Variants in ZNF395 observed in about 807,000 individuals in gnomAD.
ZNF395 encodes the protein HD gene regulatory region-binding protein 2.
ZNF395 carries 20 observed loss-of-function variants against 57.7 expected under a neutral mutation model. The observed-to-expected ratio is 0.35, with a 90% CI of 0.24 to 0.50. The LOEUF is 0.50. Ranked by LOEUF, ZNF395 falls within the 20% of genes least tolerant of loss-of-function variation. The pLI is 0.97. For missense variants in ZNF395, 606 were observed against 671.2 expected, an observed-to-expected ratio of 0.90 and a Z score of 1.07; for synonymous variants, 295 against 275.9, an observed-to-expected ratio of 1.07 and a Z score of -0.69.
At chr8:28,375,055 T>C (rs60063403) in intron 1 of ZNF395, among the ~76,000 whole-genome samples, 32,920 of 152,016 alleles carry the variant, frequency 0.22, 6,594 homozygotes, top group African/African-American at 0.53. Context: ...ACGCACCCCC[T>C]GCCTCCTCCT....
At position 28,347,639 on chromosome 8, in the gene ZNF395, C is replaced by T. The variant is rs1585848257; in HGVS notation, c.*1080G>A. 1 of 152,396 alleles carries T rather than the reference C, an allele frequency of 6.6e-6. No individual in the cohort carries two copies. The highest frequency in any genetic ancestry group is 1.9e-4 in the East Asian group (1 of 5,172). 9.4% of individuals were successfully genotyped at this position (152,396 alleles called of 1,614,324 possible). On this transcript the variant is annotated 3_prime_UTR_variant, in exon 10 of 10. Coordinates refer to ENST00000344423, the MANE Select transcript of ZNF395 (RefSeq NM_018660.3). ...TTCCTCATCCTGACGCTCACGGGTG[C>T]AAGGACTCTCCTTGGCCTTCCTCAT...
In ZNF395 at chr8:28,359,704, C is replaced by T. The variant is rs1426560884; in HGVS notation, c.361G>A (p.Glu121Lys). The change falls in exon 3 of 10, where the codon GAG becomes AAG. Residue 121 changes from glutamate to lysine, a missense_variant. Transcript: ENST00000344423. The surrounding 1 kb of genome is among the most constrained non-coding windows in gnomAD (Gnocchi z 4.7). ...QKLQVCCRVEEVWLAELQGPC... is the reference protein window; with the variant it reads ...QKLQVCCRVEKVWLAELQGPC... ...CCCTGCAGCTCTGCCAGCCACACCT[C>T]CTCCACCCTGCAGCAGACCTGCAGC... 1.2e-6 allele frequency: 2 copies of T among 1,614,092 alleles called. No homozygotes were observed. The highest frequency in any genetic ancestry group is 1.7e-6 in the Non-Finnish European group (2 of 1,180,042).
chr8:28,361,046 C>T lies in ZNF395; in HGVS notation c.79G>A (p.Gly27Arg). ...ARVLGPSASE[G>R]PSAAPPSEPL... Reference sequence around the variant, plus strand: ...TCCGAGGGTGGGGCAGCCGAGGGCCCCTCCGAGGCACTGGGTCCCAACACC... The same window carrying T: ...TCCGAGGGTGGGGCAGCCGAGGGCCTCTCCGAGGCACTGGGTCCCAACACC... The change falls in exon 2 of 10, where the codon GGG (glycine) becomes AGG (arginine). Residue 27 changes from glycine (G) to arginine (R), a missense_variant. Coordinates refer to ENST00000344423, the MANE Select transcript of ZNF395 (RefSeq NM_018660.3). 1 of 1,611,294 alleles carries T rather than the reference C, an allele frequency of 6.2e-7. No homozygotes were observed. The highest frequency in any genetic ancestry group is 8.5e-7 in the Non-Finnish European group (1 of 1,178,966).
intron 1 of ZNF395, among the ~76,000 whole-genome samples, chr8:28,367,641 GC>G (rs1214250543): frequency 6.6e-6 from 1 of 152,134 alleles, no homozygotes; most frequent in Non-Finnish European, 1.5e-5. Context: ...GAAACGCAGT[GC>G]CTTTGTTCAC....
In ZNF395 at chr8:28,350,053, C is replaced by T. The variant is rs58516444; in HGVS notation, c.1326+11G>A. On this transcript the variant is annotated intron_variant, in intron 8 of 9. Transcript: ENST00000344423. Reference sequence around the variant, plus strand: ...CATACGAGGCCCCAGCCGTGCTGCCCGCACACTCACCGGAGAGAGAGAGCA... The same window carrying T: ...CATACGAGGCCCCAGCCGTGCTGCCTGCACACTCACCGGAGAGAGAGAGCA... 6.6e-3 allele frequency: 10,440 copies of T among 1,587,134 alleles called. 636 individuals carry two copies. The African/African-American group carries it at 0.12, about 19-fold the overall frequency.
intron 1 of ZNF395, among the ~76,000 whole-genome samples, chr8:28,365,977 A>G (rs1801905534): frequency 6.6e-6 from 1 of 152,236 alleles, no homozygotes; most frequent in Non-Finnish European, 1.5e-5. Flanking sequence ...GTGCACACAC[A>G]CACGCACGGT....
chr8:28,361,478 G>A (rs1801849068), intron 1 of ZNF395, among the ~76,000 whole-genome samples: 2 of 152,170 alleles, frequency 1.3e-5, no homozygotes, highest in African/African-American at 2.4e-5. Flanking sequence ...AACTGTGTAA[G>A]TTTTACTATA....
At position 28,348,828 on chromosome 8, in the gene ZNF395, T is replaced by C. The variant is rs750876419; in HGVS notation, c.1433A>G (p.Lys478Arg). Residue 478 changes from lysine (K) to arginine (R), a missense_variant and splice_region_variant, in exon 10 of 10, where the codon AAA (lysine) becomes AGA (arginine). Around this residue, in one of 3 missense-constraint regions of ZNF395, gnomAD observed 36 missense variants for 56.2 expected, o/e 0.64. Coordinates refer to ENST00000344423, the MANE Select transcript of ZNF395 (RefSeq NM_018660.3). ...GCACTTCTTAGCCTCCCCTCGGGCT[T>C]TCCTGCAGAAAGAGAGGAATGCAAA... ...SPPRAQSGARKARGEAKKCRK... is the reference protein window; with the variant it reads ...SPPRAQSGARRARGEAKKCRK... The C allele has an allele frequency of 6.2e-7, 1 of 1,613,992 alleles. No homozygotes were observed. Among genetic ancestry groups the C allele is most frequent in the Non-Finnish European group, 8.5e-7 (1 of 1,180,006 alleles).
Position 28,359,919 on chromosome 8 carries a change from T to C in ZNF395, c.241-95A>G. The stretch of plus-strand genomic sequence containing the variant: ...CACGTCCCAGGAGCCAGGATCTGCC[T>C]GCCACAAACCATGTTCTCTGCCTCA... On this transcript the variant is annotated intron_variant, in intron 2 of 9. Transcript: ENST00000344423. The surrounding 1 kb of genome is among the most constrained non-coding windows in gnomAD (Gnocchi z 4.7). 2 of 1,500,252 alleles carry C rather than the reference T, an allele frequency of 1.3e-6. No individual in the cohort carries two copies. The highest frequency in any genetic ancestry group is 1.8e-6 in the Non-Finnish European group (2 of 1,119,582). The allele number at this position is 1,500,252 out of a possible 1,614,324, so 92.9% of individuals were successfully genotyped here.
In ZNF395 at chr8:28,352,434, G is replaced by T; in HGVS notation, c.920+139C>A. The T allele has an allele frequency of 1.5e-6, 1 of 646,202 alleles. No individual in the cohort carries two copies. Among genetic ancestry groups the T allele is most frequent in the Non-Finnish European group, 2.7e-6 (1 of 372,046 alleles). 40.0% of individuals were successfully genotyped at this position (646,202 alleles called of 1,614,324 possible). ...GTTCACCAGGATGTCTTTCTCAGGG[G>T]GCCAGGAAGAGACACCAGGGGGTGT... On this transcript the variant is annotated intron_variant, in intron 6 of 9. Coordinates refer to ENST00000344423, the MANE Select transcript of ZNF395 (RefSeq NM_018660.3). The surrounding 1 kb of genome is among the most constrained non-coding windows in gnomAD (Gnocchi z 4.0).
chr8:28,379,561 C>T (rs1802084478), intron 1 of ZNF395, among the ~76,000 whole-genome samples: 1 of 152,156 alleles, frequency 6.6e-6, no homozygotes, highest in Admixed American at 6.5e-5. Context: ...AAGGCTCACA[C>T]TGAACTGATG....
At chr8:28,369,319 CA>C (rs1371891248) in intron 1 of ZNF395, among the ~76,000 whole-genome samples, 2 of 152,096 alleles carry the variant, frequency 1.3e-5, no homozygotes, top group Non-Finnish European at 2.9e-5. Context: ...AATGAATGAT[CA>C]CATTATCTGA....
chr8:28,359,451 T>C lies in ZNF395; in HGVS notation c.473+141A>G. 2.5e-6 allele frequency: 3 copies of C among 1,221,018 alleles called. No homozygotes were observed. Among genetic ancestry groups the C allele is most frequent in the Non-Finnish European group, 3.3e-6 (3 of 900,794 alleles). 75.6% of individuals were successfully genotyped at this position (1,221,018 alleles called of 1,614,324 possible). A position where few individuals can be genotyped will look rare whatever the true frequency, so the allele number is the denominator to read the frequency against. Reference sequence around the variant, plus strand: ...TCTGGTTTTCTTAAAAGATTCCCCTTTTCTGTGTCCCATTTGTCCCAATAT... The same window carrying C: ...TCTGGTTTTCTTAAAAGATTCCCCTCTTCTGTGTCCCATTTGTCCCAATAT... On this transcript the variant is annotated intron_variant, in intron 3 of 9. Coordinates refer to ENST00000344423, the MANE Select transcript of ZNF395 (RefSeq NM_018660.3). The surrounding 1 kb of genome is among the most constrained non-coding windows in gnomAD (Gnocchi z 4.7).
chr8:28,349,303 G>T, intron 8 of ZNF395, 75 bp from the exon 9 acceptor site: 1 of 1,230,856 alleles, frequency 8.1e-7, no homozygotes, highest in Non-Finnish European at 1.1e-6. Context: ...AAGACAGGCA[G>T]CCACCCGTCC....
At position 28,359,966 on chromosome 8, in the gene ZNF395, T is replaced by A; in HGVS notation, c.241-142A>T. On this transcript the variant is annotated intron_variant, in intron 2 of 9. Transcript: ENST00000344423. The surrounding 1 kb of genome is among the most constrained non-coding windows in gnomAD (Gnocchi z 4.7). ...CTCACTCATCTTTTATTCAAGCAGATGTTCCCAGGTACTCGCTTCCCACCT... is the reference window on the plus strand; with the variant it reads ...CTCACTCATCTTTTATTCAAGCAGAAGTTCCCAGGTACTCGCTTCCCACCT... 7.3e-7 allele frequency: 1 copy of A among 1,371,860 alleles called. No homozygotes were observed. Among genetic ancestry groups the A allele is most frequent in the Non-Finnish European group, 9.7e-7 (1 of 1,031,994 alleles). 85.0% of individuals were successfully genotyped at this position (1,371,860 alleles called of 1,614,324 possible).
chr8:28,381,472 T>C (rs1297236222), intron 1 of ZNF395, among the ~76,000 whole-genome samples: 2 of 152,186 alleles, frequency 1.3e-5, no homozygotes, highest in Non-Finnish European at 2.9e-5. Context: ...TGTGAGCCAC[T>C]ACAGCCGGAT....
At position 28,351,733 on chromosome 8, in the gene ZNF395, G is replaced by C; in HGVS notation, c.995C>G (p.Ser332Cys). 1 of 1,605,826 alleles carries C rather than the reference G, an allele frequency of 6.2e-7. No homozygotes were observed. Among genetic ancestry groups the C allele is most frequent in the Non-Finnish European group, 8.5e-7 (1 of 1,179,430 alleles). The change falls in exon 7 of 10, where the codon TCT becomes TGT. Residue 332 changes from serine (S) to cysteine (C), a missense_variant. Coordinates refer to ENST00000344423, the MANE Select transcript of ZNF395 (RefSeq NM_018660.3). ...YYTEVQLKEE[S>C]AAAAAAAAAG... ...GGCAGCAGCAGCAGCAGCAGCAGCAGATTCCTCCTTCAGCTGCACCTCTGT... is the reference window on the plus strand; with the variant it reads ...GGCAGCAGCAGCAGCAGCAGCAGCACATTCCTCCTTCAGCTGCACCTCTGT...
chr8:28,385,121 T>G (rs970499692), intron 1 of ZNF395: 1 of 151,822 alleles, frequency 6.6e-6, no homozygotes, highest in African/African-American at 2.4e-5. Context: ...AGAAAGGGGG[T>G]TCTAAGAAAA....
Position 28,352,562 on chromosome 8 carries a change from C to T in ZNF395, c.920+11G>A. The stretch of plus-strand genomic sequence containing the variant: ...GCGACCCTAGGCTAGAGGCCCTGGG[C>T]TCGCACATACCCCAGATGGAGGGCT... On this transcript the variant is annotated intron_variant, in intron 6 of 9. Coordinates refer to ENST00000344423, the MANE Select transcript of ZNF395 (RefSeq NM_018660.3). The surrounding 1 kb of genome is among the most constrained non-coding windows in gnomAD (Gnocchi z 4.0). The T allele has an allele frequency of 1.2e-6, 2 of 1,612,544 alleles. No homozygotes were observed. Among genetic ancestry groups the T allele is most frequent in the Non-Finnish European group, 1.7e-6 (2 of 1,178,670 alleles).
Sources: gnomAD v4.1 joint callset for allele counts (sites outside exome capture counted in the v4.1 genomes callset) on GRCh38, gnomAD v4.1.1 for gene constraint, gnomAD v4.1.1 regional missense constraint, Gnocchi (gnomAD v3.1) non-coding constraint, MANE v1.5 for transcripts, NCBI Gene and HGNC (gene_info 2026-07-23, HGNC 2026-07-21) for gene names.